Variants in SUGP1 observed in about 807,000 individuals in gnomAD.
SUGP1 encodes SURP and G-patch domain containing 1.
A neutral mutation model predicts 76.5 loss-of-function variants in SUGP1; 34 were observed. The observed-to-expected ratio is 0.44, with a 90% CI of 0.34 to 0.59. SUGP1 has a LOEUF of 0.59. Ranked by LOEUF, SUGP1 falls within the 20% of genes least tolerant of loss-of-function variation. SUGP1 has a pLI of 0.01. For synonymous variants in SUGP1, 326 were observed against 326.2 expected (o/e 1.00, Z 0.01); for missense variants, 752 against 851.7 (o/e 0.88, Z 1.46).
intron 4 of SUGP1, 66 bp downstream of exon 4, chr19:19,305,783 A>C: frequency 6.6e-7 from 1 of 1,504,242 alleles, no homozygotes; most frequent in South Asian, 1.3e-5. Flanking sequence ...TGCCCTGCCC[A>C]CCACAGATCC....
chr19:19,307,291 G>C (rs753978559), intron 3 of SUGP1, among the ~76,000 whole-genome samples: 2 of 152,034 alleles, frequency 1.3e-5, no homozygotes, highest in Non-Finnish European at 2.9e-5. Context: ...TTAGATTCAA[G>C]CGATCCTCCC....
At chr19:19,277,231 G>A (rs1239382502) in intron 12 of SUGP1, among the ~76,000 whole-genome samples, 155 bp from the exon 13 acceptor site, 3 of 150,046 alleles carry the variant, frequency 2.0e-5, no homozygotes, top group Non-Finnish European at 4.4e-5. Flanking sequence ...TGGTCAAGGA[G>A]GGGAGACCCC....
At chr19:19,314,104 T>G (rs1431948497) in intron 2 of SUGP1, among the ~76,000 whole-genome samples, 4 of 151,492 alleles carry the variant, frequency 2.6e-5, no homozygotes, top group Non-Finnish European at 5.9e-5. Context: ...ACCACTGCAC[T>G]CCAGCCTGGG....
At chr19:19,302,202 T>C in intron 7 of SUGP1, 63 bp downstream of exon 7, 2 of 1,600,124 alleles carry the variant, frequency 1.2e-6, no homozygotes, top group Non-Finnish European at 1.7e-6. Flanking sequence ...TGATCCAGTG[T>C]CCTCCCCTGC....
At chr19:19,320,435 C>T (rs2061435886) in intron 1 of SUGP1, 28 bp downstream of exon 1, 2 of 1,606,886 alleles carry the variant, frequency 1.2e-6, no homozygotes, top group African/African-American at 1.3e-5. Context: ...ACCCAGGCGG[C>T]CGCCTGAGAG....
Position 19,306,069 on chromosome 19 carries a change from C to A in SUGP1, c.318G>T (p.Pro106=), listed in dbSNP as rs1313971159. ...TGGGAGGGGCGCTGGGCGCACTGGT[C>A]GGGGCGTCTGGTATAGAAGGAAGGA... ...LQKAQTSTDA[P]TSAPSAPPST... The change falls in exon 4 of 14, where the codon CCG becomes CCT. Residue 106 remains proline, a synonymous_variant. Coordinates refer to ENST00000247001, the MANE Select transcript of SUGP1 (RefSeq NM_172231.4). The A allele has an allele frequency of 1.0e-5, 16 of 1,596,282 alleles. No homozygotes were observed. Among genetic ancestry groups the A allele is most frequent in the South Asian group, 5.6e-5 (5 of 89,278 alleles).
chr19:19,284,058 T>C (rs979331693), intron 8 of SUGP1, among the ~76,000 whole-genome samples: 1 of 152,228 alleles, frequency 6.6e-6, no homozygotes, highest in Non-Finnish European at 1.5e-5. Flanking sequence ...AAATTGCATA[T>C]TGCGGTAAAG....
Position 19,315,839 on chromosome 19 carries a change from G to GT in SUGP1, c.206+582dup, listed in dbSNP as rs574695158. Among the ~76,000 whole-genome samples the GT allele has an allele frequency of 7.9e-3, 1,154 of 146,944 alleles. 8 individuals are homozygous for GT. The highest frequency in any genetic ancestry group is 0.045 in the South Asian group (206 of 4,608). Reference sequence around the variant, plus strand: ...CCCATAAGGGCAGAGGTTTTTTTTTGTTTTTTTTTTGAGACAGAGTCTCAC... The same window carrying GT: ...CCCATAAGGGCAGAGGTTTTTTTTTGTTTTTTTTTTTGAGACAGAGTCTCAC... On this transcript the variant is annotated intron_variant, in intron 2 of 13. Coordinates refer to ENST00000247001, the MANE Select transcript of SUGP1 (RefSeq NM_172231.4).
intron 8 of SUGP1, among the ~76,000 whole-genome samples, chr19:19,284,736 A>C (rs1033242900): frequency 3.3e-5 from 5 of 152,250 alleles, no homozygotes; most frequent in Non-Finnish European, 7.3e-5. Context: ...TGACAGGTTT[A>C]GAAAGAGGTT....
chr19:19,302,585 G>A (rs893838839), intron 6 of SUGP1, 197 bp from the exon 7 acceptor site: 55 of 684,848 alleles, frequency 8.0e-5, no homozygotes, highest in Middle Eastern at 4.3e-4. Context: ...CCCGACCCCC[G>A]CCCCGTCCCA....
At chr19:19,314,528 A>C (rs1231032927) in intron 2 of SUGP1, among the ~76,000 whole-genome samples, 1 of 152,118 alleles carries the variant, frequency 6.6e-6, no homozygotes, top group Non-Finnish European at 1.5e-5. Context: ...TTTATATGAA[A>C]AAGAAGGTTC....
intron 1 of SUGP1, among the ~76,000 whole-genome samples, chr19:19,317,349 T>C (rs777514957): frequency 2.0e-5 from 3 of 151,948 alleles, no homozygotes; most frequent in Non-Finnish European, 4.4e-5. Context: ...GGAGCAGATG[T>C]GAAAGCTCAA....
chr19:19,303,947 A>T, intron 4 of SUGP1, 100 bp from the exon 5 acceptor site: 3 of 1,601,012 alleles, frequency 1.9e-6, no homozygotes, highest in South Asian at 2.2e-5. Context: ...GTGGGGGGAG[A>T]AGAGTGTGAG....
In SUGP1 at chr19:19,276,689, A is replaced by G; in HGVS notation, c.1912-15T>C. ...CTGGGATTGTTCTGTGGAAGGCAAA[A>G]CAGATAACAGGAGGAGGGGATTAGC... On this transcript the variant is annotated splice_polypyrimidine_tract_variant and intron_variant, in intron 13 of 13. Coordinates refer to ENST00000247001, the MANE Select transcript of SUGP1 (RefSeq NM_172231.4). 1 of 1,614,124 alleles carries G rather than the reference A, an allele frequency of 6.2e-7. No individual in the cohort carries two copies. Among genetic ancestry groups the G allele is most frequent in the Non-Finnish European group, 8.5e-7 (1 of 1,180,026 alleles).
At chr19:19,288,856 GCTCACTGCAACCTCCAC>G (rs532129393) in intron 8 of SUGP1, among the ~76,000 whole-genome samples, 124 of 152,200 alleles carry the variant, frequency 8.1e-4, no homozygotes, top group African/African-American at 2.7e-3. Flanking sequence ...CGCGATCTCA[GCTCACTGCAACCTCCAC>G]CTCCCGAGTT....
intron 7 of SUGP1, among the ~76,000 whole-genome samples, chr19:19,299,365 TC>T (rs1010809412): frequency 1.7e-5 from 2 of 120,240 alleles, no homozygotes. Context: ...CACTGACTTT[TC>T]TTTTTTTTCT....
rs1392330568 is a variant in SUGP1 at position 19,304,705 on chromosome 19, A to G, written c.539-858T>C. 3.9e-5 allele frequency among the ~76,000 whole-genome samples: 6 copies of G among 152,210 alleles called. No homozygotes were observed. The East Asian group carries it at 1.2e-3, about 29-fold the overall frequency. ...CTGCAGTCCTTGTAGGAGATGCACA[A>G]GAGAAATTTCTCGCTGCCAGCAAGT... On this transcript the variant is annotated intron_variant, in intron 4 of 13. Coordinates refer to ENST00000247001, the MANE Select transcript of SUGP1 (RefSeq NM_172231.4).
At chr19:19,277,148 C>T in intron 12 of SUGP1, 72 bp from the exon 13 acceptor site, 18 of 1,535,180 alleles carry the variant, frequency 1.2e-5, no homozygotes, top group Admixed American at 1.9e-5. Flanking sequence ...CACAGCTGGG[C>T]TCTCAACAGC....
intron 9 of SUGP1, 118 bp downstream of exon 9, chr19:19,280,066 AC>A: frequency 1.0e-6 from 1 of 1,004,418 alleles, no homozygotes; most frequent in Non-Finnish European, 1.5e-6. Flanking sequence ...CATGGGTTCC[AC>A]CTGAACACAG....
Sources: allele counts gnomAD v4.1 joint callset (sites outside exome capture counted in the v4.1 genomes callset), GRCh38; gene constraint gnomAD v4.1.1; transcripts MANE v1.5; gene names NCBI Gene and HGNC (gene_info 2026-07-23, HGNC 2026-07-21).